The following SLC26A6 variants were observed in gnomAD, a reference collection of about 807,000 sequenced individuals.
SLC26A6 encodes the protein solute carrier family 26 member 6, also known as anion exchange transporter.
A neutral mutation model predicts 87.1 loss-of-function variants in SLC26A6; 67 were observed. The ratio of observed to expected loss-of-function variants is 0.77; its 90% CI spans 0.63 to 0.94. The LOEUF (loss-of-function observed/expected upper bound fraction) is 0.94. SLC26A6 is among the 40% of genes least tolerant of loss of function. The pLI is 0.00. For missense variants in SLC26A6, 902 were observed against 973.0 expected (o/e 0.93, Z 0.97); for synonymous variants, 414 against 405.9 (o/e 1.02, Z -0.24).
At chr3:48,632,211 TGGTGGGG>T (rs1559469529) in intron 5 of SLC26A6, 27 bp downstream of exon 5, 1 of 1,566,538 alleles carries the variant, frequency 6.4e-7, no homozygotes, top group South Asian at 1.2e-5. Flanking sequence ...GCAGAAGTGG[TGGTGGGG>T]GGCACATACT....
rs763747089 is a variant in SLC26A6, at chr3:48,628,545, G to A, written c.1693-4C>T. ...GGAAGTCGACATCCACACCACACTGGAGGCAAACATCAGAGAAGGGTTGGT... is the reference window on the plus strand; with the variant it reads ...GGAAGTCGACATCCACACCACACTGAAGGCAAACATCAGAGAAGGGTTGGT... On this transcript the variant is annotated splice_region_variant and splice_polypyrimidine_tract_variant and intron_variant, in intron 15 of 20. Transcript: ENST00000395550. This position sits in a 1 kb window ranked among gnomAD's most constrained non-coding sequence, Gnocchi z 4.4. 19 of 1,613,934 alleles carry A rather than the reference G, an allele frequency of 1.2e-5. No homozygotes were observed. The highest frequency in any genetic ancestry group is 1.6e-5 in the Non-Finnish European group (19 of 1,179,980).
chr3:48,633,435 C>T (rs902697410), intron 2 of SLC26A6, 42 bp downstream of exon 2: 2 of 1,612,346 alleles, frequency 1.2e-6, no homozygotes, highest in African/African-American at 2.7e-5. Flanking sequence ...CAGGGGCTAC[C>T]TGGGCCCCGC....
chr3:48,630,574 A>T (rs1201860144), intron 10 of SLC26A6, 33 bp downstream of exon 10: 1 of 1,561,548 alleles, frequency 6.4e-7, no homozygotes, highest in Non-Finnish European at 8.7e-7. Context: ...AGCAATGTGC[A>T]TGCCCACACC....
At position 48,633,655 on chromosome 3, in the gene SLC26A6, G is replaced by A. The variant is rs1464750897; in HGVS notation, c.24-20C>T. 1.9e-6 allele frequency: 3 copies of A among 1,611,936 alleles called. No individual in the cohort carries two copies. The highest frequency in any genetic ancestry group is 1.3e-5 in the African/African-American group (1 of 75,030). On this transcript the variant is annotated intron_variant, in intron 1 of 20. Transcript: ENST00000395550. ...CTCGGTCTGGGGTGGCAAGACCAGA[G>A]AGACACAGTGAAGGCATCCCTGGCC...
intron 14 of SLC26A6, among the ~76,000 whole-genome samples, chr3:48,629,055 G>T (rs55794658): frequency 1.3e-5 from 2 of 152,076 alleles, no homozygotes; most frequent in Non-Finnish European, 2.9e-5. Context: ...GACCTTCCCC[G>T]CTCCCACCCC....
Position 48,633,625 on chromosome 3 carries a change from T to G in SLC26A6, c.34A>C (p.Thr12Pro). 1 of 1,613,450 alleles carries G rather than the reference T, an allele frequency of 6.2e-7. No homozygotes were observed. The highest frequency in any genetic ancestry group is 8.5e-7 in the Non-Finnish European group (1 of 1,179,954). ...TGTGTTGCAGACAGCAGTGCCTGTG[T>G]GTCCCTCGGTCTGGGGTGGCAAGAC... ...GLADASGPRD[T>P]QALLSATQAM... Residue 12 changes from threonine to proline, a missense_variant, in exon 2 of 21, where the codon ACA becomes CCA. This residue lies in a region of SLC26A6 where 800 missense variants were observed against 856.8 expected (regional missense o/e 0.93). Transcript: ENST00000395550.
At chr3:48,631,186 G>A (rs200312547) in intron 8 of SLC26A6, 38 bp downstream of exon 8, 2 of 1,612,586 alleles carry the variant, frequency 1.2e-6, no homozygotes, top group African/African-American at 2.7e-5. Context: ...TGTCCTGGCT[G>A]CCCAACCCTC....
rs2046698385 is a variant in SLC26A6, at chr3:48,628,770, T to C, written c.1600-56A>G. 1.9e-6 allele frequency: 3 copies of C among 1,574,182 alleles called. No homozygotes were observed. The highest frequency in any genetic ancestry group is 2.6e-6 in the Non-Finnish European group (3 of 1,156,824). Reference sequence around the variant, plus strand: ...AATCTCCTCTCTCCTGGCTGCATCCTGTTCTCCTGCCTTTCCTTCCCTAGT... The same window carrying C: ...AATCTCCTCTCTCCTGGCTGCATCCCGTTCTCCTGCCTTTCCTTCCCTAGT... On this transcript the variant is annotated intron_variant, in intron 14 of 20. Transcript: ENST00000395550. This position sits in a 1 kb window ranked among gnomAD's most constrained non-coding sequence, Gnocchi z 4.4.
At chr3:48,631,594 A>C (rs2046793214) in intron 7 of SLC26A6, 55 bp downstream of exon 7, 1 of 1,581,994 alleles carries the variant, frequency 6.3e-7, no homozygotes, top group Admixed American at 1.7e-5. Flanking sequence ...CCACGTGGCA[A>C]GGACCCAGCC....
chr3:48,630,673 C>T lies in SLC26A6; in HGVS notation c.1182G>A (p.Gln394=). 1 of 1,602,958 alleles carries T rather than the reference C, an allele frequency of 6.2e-7. No individual in the cohort carries two copies. Among genetic ancestry groups the T allele is most frequent in the Non-Finnish European group, 8.5e-7 (1 of 1,174,030 alleles). Residue 394 remains glutamine, a synonymous_variant, in exon 10 of 21, where the codon CAG becomes CAA. Coordinates refer to ENST00000395550, the MANE Select transcript of SLC26A6 (RefSeq NM_022911.3). The stretch of plus-strand genomic sequence containing the variant: ...ACATAGAGCAACTCACGGGGAAGCA[C>T]TGGAAGATGCCTCCGATAAGGTTAC... ...GLSNLIGGIF[Q]CFPVSCSMSR... is the part of the protein sequence containing the mutation.
At chr3:48,633,944 G>C in intron 1 of SLC26A6, 1 of 1,131,550 alleles carries the variant, frequency 8.8e-7, no homozygotes. Flanking sequence ...TACCAGTCCA[G>C]GTCCCAGGCT....
intron 9 of SLC26A6, 66 bp downstream of exon 9, chr3:48,630,927 T>C (rs543675487): frequency 1.5e-5 from 24 of 1,591,890 alleles, no homozygotes; most frequent in African/African-American, 1.1e-4. Context: ...CACCGGTTCC[T>C]CCCCCACCCG....
intron 14 of SLC26A6, among the ~76,000 whole-genome samples, chr3:48,629,389 A>G (rs1002626961): frequency 1.3e-5 from 2 of 152,200 alleles, no homozygotes; most frequent in African/African-American, 4.8e-5. Flanking sequence ...GCTGCTCTGC[A>G]GGTGGAGCTT....
At chr3:48,631,549 C>T in intron 7 of SLC26A6, 100 bp downstream of exon 7, 1 of 1,475,212 alleles carries the variant, frequency 6.8e-7, no homozygotes, top group South Asian at 1.3e-5. Context: ...CCCTCCCAGC[C>T]CCCCTCCAGC....
Position 48,630,477 on chromosome 3 carries a change from G to C in SLC26A6, c.1287C>G (p.Ile429Met). The C allele has an allele frequency of 6.4e-7, 1 of 1,560,976 alleles. No individual in the cohort carries two copies. The highest frequency in any genetic ancestry group is 2.4e-5 in the East Asian group (1 of 41,546). Reference protein sequence around the residue: ...GAISSLFILLIIVKLGELFHD... With the variant: ...GAISSLFILLMIVKLGELFHD... Reference sequence around the variant, plus strand: ...GGAAGAGTTCCCCAAGTTTGACAATGATGAGGAGGATGAAAAGGGAAGAGA... The same window carrying C: ...GGAAGAGTTCCCCAAGTTTGACAATCATGAGGAGGATGAAAAGGGAAGAGA... The change falls in exon 11 of 21, where the codon ATC becomes ATG. Residue 429 changes from isoleucine to methionine, a missense_variant. Ile to Met is a conservative substitution (Grantham distance 10, BLOSUM62 1). Around this residue, in one of 3 missense-constraint regions of SLC26A6, gnomAD observed 800 missense variants for 856.8 expected, o/e 0.93. Coordinates refer to ENST00000395550, the MANE Select transcript of SLC26A6 (RefSeq NM_022911.3).
intron 14 of SLC26A6, 37 bp downstream of exon 14, chr3:48,629,605 C>G (rs750827017): frequency 6.4e-7 from 1 of 1,570,966 alleles, no homozygotes; most frequent in South Asian, 1.2e-5. Context: ...CCTCCGTCTC[C>G]CCATCCACAC....
Position 48,632,023 on chromosome 3 carries a change from A to T in SLC26A6, c.607T>A (p.Phe203Ile). 1 of 1,613,352 alleles carries T rather than the reference A, an allele frequency of 6.2e-7. No individual in the cohort carries two copies. The highest frequency in any genetic ancestry group is 8.5e-7 in the Non-Finnish European group (1 of 1,180,010). ...LFQVGLGLIH[F>I]GFVVTYLSEP... ...GACAGGTAGGTGACCACGAAGCCGA[A>T]GTGGATCAGGCCCAGCCCCACCTGT... is the stretch of plus-strand genomic sequence containing the variant. The change falls in exon 6 of 21, where the codon TTC becomes ATC. Residue 203 changes from phenylalanine to isoleucine, a missense_variant. Coordinates refer to ENST00000395550, the MANE Select transcript of SLC26A6 (RefSeq NM_022911.3).
In SLC26A6 at chr3:48,629,498, A is replaced by C; in HGVS notation, c.1599+144T>G. On this transcript the variant is annotated intron_variant, in intron 14 of 20. Coordinates refer to ENST00000395550, the MANE Select transcript of SLC26A6 (RefSeq NM_022911.3). ...TACCTCTAGAGGGGGTCATAGACCT[A>C]AACTCCTCCCTTGAAATCCCAAAGA... The C allele has an allele frequency of 4.6e-6, 4 of 860,514 alleles. No individual in the cohort carries two copies. In the South Asian group the frequency reaches 4.9e-5, roughly 10 times the overall value. 53.3% of individuals were successfully genotyped at this position (860,514 alleles called of 1,614,324 possible). A position where few individuals can be genotyped will look rare whatever the true frequency, so the allele number is the denominator to read the frequency against.
chr3:48,630,581 C>T, intron 10 of SLC26A6, 26 bp downstream of exon 10: 1 of 1,562,724 alleles, frequency 6.4e-7, no homozygotes, highest in Non-Finnish European at 8.7e-7. Context: ...TGCATGCCCA[C>T]ACCCATGCCC....
Sources: allele counts gnomAD v4.1 joint callset (sites outside exome capture counted in the v4.1 genomes callset), GRCh38; gene constraint gnomAD v4.1.1; regional missense constraint gnomAD v4.1.1; non-coding constraint Gnocchi (gnomAD v3.1); transcripts MANE v1.5; gene names NCBI Gene and HGNC (gene_info 2026-07-23, HGNC 2026-07-21).